CAST: variants seen among roughly 807,000 people sequenced by gnomAD.
CAST encodes the protein MIR583 host.
Under a neutral mutation model 119.6 loss-of-function variants are expected in CAST, and 76 were observed. The ratio of observed to expected loss-of-function variants is 0.64; its 90% CI spans 0.53 to 0.77. CAST has a LOEUF of 0.77. CAST is among the 30% of genes least tolerant of loss of function. The pLI is 0.00. For synonymous variants in CAST, 319 were observed against 331.6 expected (o/e 0.96, Z 0.41); for missense variants, 953 against 946.5 (o/e 1.01, Z -0.09).
intron 1 of CAST, among the ~76,000 whole-genome samples, chr5:96,650,961 T>G (rs1267281253): frequency 6.6e-6 from 1 of 152,176 alleles, no homozygotes; most frequent in African/African-American, 2.4e-5. Flanking sequence ...AAGCATTCAT[T>G]GGCTGATGTA....
chr5:96,696,471 C>G (rs1424666114), intron 3 of CAST, among the ~76,000 whole-genome samples: 5 of 152,028 alleles, frequency 3.3e-5, no homozygotes, highest in African/African-American at 1.2e-4. Flanking sequence ...TAAACTCCAT[C>G]TAAGCAATTT....
chr5:96,275,639 A>C, the CAST span, among the ~76,000 whole-genome samples: 2 of 152,094 alleles, frequency 1.3e-5, no homozygotes, highest in East Asian at 3.8e-4. Context: ...TCTGCTCAAG[A>C]TATAGAGTTT....
chr5:96,479,055 G>A, the CAST span, among the ~76,000 whole-genome samples: 6 of 152,156 alleles, frequency 3.9e-5, no homozygotes, highest in Admixed American at 3.9e-4. Flanking sequence ...GAGCACTGAG[G>A]AGGAGCCACA....
the CAST span, among the ~76,000 whole-genome samples, chr5:95,963,108 CTG>C: frequency 6.6e-6 from 1 of 152,146 alleles, no homozygotes; most frequent in South Asian, 2.1e-4. Flanking sequence ...AGCTTTCAAA[CTG>C]TTGAAAGGCA....
the CAST span, among the ~76,000 whole-genome samples, chr5:95,962,226 A>G: frequency 6.6e-6 from 1 of 152,264 alleles, no homozygotes; most frequent in African/African-American, 2.4e-5. Flanking sequence ...GTGAAAAGTC[A>G]GAATTGGGGA....
chr5:96,489,284 G>T, the CAST span, among the ~76,000 whole-genome samples: 1 of 152,148 alleles, frequency 6.6e-6, no homozygotes, highest in Non-Finnish European at 1.5e-5. Context: ...GCAGATCAAA[G>T]GATGCCTGAA....
At chr5:96,586,423 A>T (rs1307589935) in intron 1 of CAST, among the ~76,000 whole-genome samples, 1 of 152,242 alleles carries the variant, frequency 6.6e-6, no homozygotes, top group East Asian at 1.9e-4. Flanking sequence ...GATAGATACT[A>T]TAATATAAAT....
the CAST span, among the ~76,000 whole-genome samples, chr5:96,449,331 C>T: frequency 6.6e-6 from 1 of 152,178 alleles, no homozygotes; most frequent in Non-Finnish European, 1.5e-5. Flanking sequence ...AGGTGAGGTG[C>T]CAGTAAGCAA....
the CAST span, among the ~76,000 whole-genome samples, chr5:96,070,613 A>G: frequency 6.6e-6 from 1 of 152,194 alleles, no homozygotes; most frequent in African/African-American, 2.4e-5. Context: ...GGCAAGGAAA[A>G]TGGGAGGACT....
intron 3 of CAST, among the ~76,000 whole-genome samples, chr5:96,717,521 C>T (rs779399472): frequency 1.8e-4 from 28 of 152,184 alleles, no homozygotes; most frequent in Admixed American, 6.5e-4. Flanking sequence ...ATCCTTAAAA[C>T]GGCTATCAAA....
intron 1 of CAST, among the ~76,000 whole-genome samples, chr5:96,563,539 C>G (rs1426649493): frequency 2.0e-5 from 3 of 152,014 alleles, no homozygotes; most frequent in South Asian, 4.1e-4. Flanking sequence ...GTAGTTTTCT[C>G]CAAGGAGGTG....
At chr5:96,399,865 G>T in the CAST span, 1 of 1,010,674 alleles carries the variant, frequency 9.9e-7, no homozygotes. Flanking sequence ...CAGAAGGGTA[G>T]ATACAAAAAA....
the CAST span, among the ~76,000 whole-genome samples, chr5:96,298,099 C>T: frequency 1.3e-5 from 2 of 152,150 alleles, no homozygotes; most frequent in Non-Finnish European, 2.9e-5. Context: ...TAAACATGTG[C>T]GTGTAGCCTG....
chr5:96,507,296 G>A, the CAST span, among the ~76,000 whole-genome samples: 1 of 152,116 alleles, frequency 6.6e-6, no homozygotes, highest in Non-Finnish European at 1.5e-5. Context: ...CCATGCTTGA[G>A]GGGCCAAAGT....
At position 96,757,437 on chromosome 5, in the gene CAST, C is replaced by T. The variant is rs778809834; in HGVS notation, c.1711-7C>T. On this transcript the variant is annotated splice_polypyrimidine_tract_variant and splice_region_variant and intron_variant, in intron 22 of 31. Coordinates refer to ENST00000675179, the MANE Select transcript of CAST (RefSeq NM_001750.7). Reference sequence around the variant, plus strand: ...ATTTCATGCCATGTGTTTTCCCCCCCGGATAGGATAAAGATGGAAAGCCAC... The same window carrying T: ...ATTTCATGCCATGTGTTTTCCCCCCTGGATAGGATAAAGATGGAAAGCCAC... 1.2e-5 allele frequency: 19 copies of T among 1,613,260 alleles called. No individual in the cohort carries two copies. Among genetic ancestry groups the T allele is most frequent in the African/African-American group, 9.3e-5 (7 of 74,900 alleles).
chr5:96,098,371 G>A, the CAST span, among the ~76,000 whole-genome samples: 3 of 151,984 alleles, frequency 2.0e-5, no homozygotes, highest in African/African-American at 4.8e-5. Context: ...ATTGCTTTTA[G>A]TGTCTTTTAT....
the CAST span, among the ~76,000 whole-genome samples, chr5:96,282,396 A>G: frequency 6.6e-6 from 1 of 152,216 alleles, no homozygotes; most frequent in Admixed American, 6.5e-5. Context: ...ATCTTTCCAC[A>G]TATGTCTAAG....
intron 26 of CAST, 78 bp downstream of exon 26, chr5:96,765,403 A>G (rs1245069879): frequency 4.2e-6 from 3 of 717,558 alleles, no homozygotes; most frequent in East Asian, 5.4e-5. Flanking sequence ...TGTCATTGTC[A>G]TAGGAATATT....
At chr5:96,663,239 C>CT in intron 1 of CAST, 1 of 702,456 alleles carries the variant, frequency 1.4e-6, no homozygotes, top group South Asian at 1.5e-5. Flanking sequence ...TTGCTTTGCC[C>CT]TTCTGGGCGT....
Sources: gnomAD v4.1 joint callset for allele counts (sites outside exome capture counted in the v4.1 genomes callset) on GRCh38, gnomAD v4.1.1 for gene constraint, MANE v1.5 for transcripts, NCBI Gene and HGNC (gene_info 2026-07-23, HGNC 2026-07-21) for gene names.